Variants in KLHL41 observed in about 807,000 individuals in gnomAD.
KLHL41 encodes kelch like family member 41.
In KLHL41, 31 loss-of-function variants were observed where a neutral mutation model predicts 49.2. The observed-to-expected ratio is 0.63, with a 90% CI of 0.47 to 0.85. KLHL41 has a LOEUF of 0.85. KLHL41 is among the 40% of genes least tolerant of loss of function. The pLI is 0.00. For synonymous variants in KLHL41, 218 were observed against 258.5 expected, an observed-to-expected ratio of 0.84 and a Z score of 1.50; for missense variants, 663 against 726.7, an observed-to-expected ratio of 0.91 and a Z score of 1.01.
In KLHL41 at chr2:169,518,236, T is replaced by C; in HGVS notation, c.1423T>C (p.Trp475Arg). The change falls in exon 4 of 6, where the codon TGG (tryptophan) becomes CGG (arginine). Residue 475 changes from tryptophan (W) to arginine (R), a missense_variant. Trp to Arg is a moderately radical substitution (Grantham distance 101, BLOSUM62 -3). Transcript: ENST00000284669. ...TATCTTCAACCCCAAAAAAGGAGAT[T>C]GGAAAGATCTGGCTCCAATGAAAAT... Reference protein sequence around the residue: ...VFIFNPKKGDWKDLAPMKIPR... With the variant: ...VFIFNPKKGDRKDLAPMKIPR... The C allele has an allele frequency of 1.2e-6, 2 of 1,613,846 alleles. No homozygotes were observed. The highest frequency in any genetic ancestry group is 2.2e-5 in the South Asian group (2 of 91,016).
Position 169,518,212 on chromosome 2 carries a change from A to C in KLHL41, c.1399A>C (p.Ile467Leu). ...DDKKCTNRVF[I>L]FNPKKGDWKD... is the part of the protein sequence containing the mutation. The stretch of plus-strand genomic sequence containing the variant: ...CAGAAAATGTACAAACAGGGTGTTT[A>C]TCTTCAACCCCAAAAAAGGAGATTG... The change falls in exon 4 of 6, where the codon ATC (isoleucine) becomes CTC (leucine). Residue 467 changes from isoleucine to leucine, a missense_variant. Transcript: ENST00000284669. 6.2e-7 allele frequency: 1 copy of C among 1,613,454 alleles called. No individual in the cohort carries two copies. Among genetic ancestry groups the C allele is most frequent in the Non-Finnish European group, 8.5e-7 (1 of 1,179,674 alleles).
chr2:169,515,032 TTTC>T (rs1289596290), intron 3 of KLHL41, 71 bp downstream of exon 3: 8 of 943,678 alleles, frequency 8.5e-6, no homozygotes, highest in South Asian at 1.8e-5. Flanking sequence ...CCTCTTTTCT[TTTC>T]TTTTTTTTTT....
chr2:169,525,437 T>G, intron 5 of KLHL41, 148 bp from the exon 6 acceptor site: 1 of 585,730 alleles, frequency 1.7e-6, no homozygotes, highest in Non-Finnish European at 3.0e-6. Flanking sequence ...ATTTGGGAGA[T>G]ATTTAAGTTC....
In KLHL41 at chr2:169,510,630, T is replaced by A; in HGVS notation, c.852T>A (p.Asp284Glu). 8 of 1,614,176 alleles carry A rather than the reference T, an allele frequency of 5.0e-6. No individual in the cohort carries two copies. Among genetic ancestry groups the A allele is most frequent in the Non-Finnish European group, 6.8e-6 (8 of 1,180,028 alleles). ...GAGEVNGDVG[D>E]EDLLPGYLND... is the part of the protein sequence containing the mutation. Reference sequence around the variant, plus strand: ...GTGAGGTGAATGGTGATGTTGGTGATGAAGATTTACTTCCTGGTTACCTGA... The same window carrying A: ...GTGAGGTGAATGGTGATGTTGGTGAAGAAGATTTACTTCCTGGTTACCTGA... The change falls in exon 1 of 6, where the codon GAT becomes GAA. Residue 284 changes from aspartate (D) to glutamate (E), a missense_variant. Around this residue, in one of 3 missense-constraint regions of KLHL41, gnomAD observed 528 missense variants for 581.0 expected, o/e 0.91. Coordinates refer to ENST00000284669, the MANE Select transcript of KLHL41 (RefSeq NM_006063.3). This position sits in a 1 kb window ranked among gnomAD's most constrained non-coding sequence, Gnocchi z 4.2.
At chr2:169,512,586 T>A (rs946270765) in intron 1 of KLHL41, among the ~76,000 whole-genome samples, 1 of 152,184 alleles carries the variant, frequency 6.6e-6, no homozygotes, top group African/African-American at 2.4e-5. Context: ...AGCTTCTCAT[T>A]TTTGGTTCAA....
intron 5 of KLHL41, among the ~76,000 whole-genome samples, chr2:169,522,045 G>GA (rs1684210885): frequency 6.6e-6 from 1 of 151,396 alleles, no homozygotes; most frequent in Non-Finnish European, 1.5e-5. Context: ...AGACCCTACT[G>GA]AATGAGAATC....
In KLHL41 at chr2:169,510,838, T is replaced by C; in HGVS notation, c.1060T>C (p.Tyr354His). The C allele has an allele frequency of 1.2e-6, 2 of 1,613,916 alleles. No homozygotes were observed. Among genetic ancestry groups the C allele is most frequent in the Non-Finnish European group, 1.7e-6 (2 of 1,179,880 alleles). ...QNQIYVVGGL[Y>H]VDEENKDQPL... ...TCAGATATATGTGGTAGGAGGACTA[T>C]ATGTGGATGAAGAAAATAAGGATCA... Residue 354 changes from tyrosine (Y) to histidine (H), a missense_variant, in exon 1 of 6, where the codon TAT becomes CAT. Tyr to His is a moderately conservative substitution (Grantham distance 83, BLOSUM62 2). Transcript: ENST00000284669. This position sits in a 1 kb window ranked among gnomAD's most constrained non-coding sequence, Gnocchi z 4.2.
chr2:169,514,437 G>T, intron 1 of KLHL41, 137 bp from the exon 2 acceptor site: 3 of 598,810 alleles, frequency 5.0e-6, no homozygotes, highest in Admixed American at 3.3e-5. Flanking sequence ...GATACTTTGG[G>T]GTTGTAGTTT....
In KLHL41 at chr2:169,510,229, G is replaced by A. The variant is rs1490292826; in HGVS notation, c.451G>A (p.Ala151Thr). The A allele has an allele frequency of 3.1e-6, 5 of 1,613,778 alleles. No individual in the cohort carries two copies. The highest frequency in any genetic ancestry group is 2.2e-5 in the East Asian group (1 of 44,886). ...LGLLLDCPRL[A>T]ISAREFVSDR... ...ACTTCTTCTTGACTGCCCGAGACTC[G>A]CCATTTCTGCCCGTGAATTTGTGTC... The change falls in exon 1 of 6, where the codon GCC becomes ACC. Residue 151 changes from alanine (A) to threonine (T), a missense_variant. Ala to Thr is a moderately conservative substitution (Grantham distance 58, BLOSUM62 0). This residue lies in a region of KLHL41 where 528 missense variants were observed against 581.0 expected (regional missense o/e 0.91). Transcript: ENST00000284669. This position sits in a 1 kb window ranked among gnomAD's most constrained non-coding sequence, Gnocchi z 4.2.
chr2:169,515,259 C>A (rs981086065), intron 3 of KLHL41, among the ~76,000 whole-genome samples: 2 of 152,018 alleles, frequency 1.3e-5, no homozygotes, highest in African/African-American at 2.4e-5. Context: ...TCTTGAACTC[C>A]CGACCTCAGG....
intron 4 of KLHL41, among the ~76,000 whole-genome samples, chr2:169,518,976 G>T (rs1684159088): frequency 7.4e-6 from 1 of 135,022 alleles, no homozygotes; most frequent in Admixed American, 8.1e-5. Flanking sequence ...CAGCACACCT[G>T]GCCCTGAATA....
chr2:169,518,462 G>C, intron 4 of KLHL41, 87 bp downstream of exon 4: 1 of 1,039,680 alleles, frequency 9.6e-7, no homozygotes, highest in Non-Finnish European at 1.4e-6. Flanking sequence ...TTTCTAATTA[G>C]GATGTGGGGA....
chr2:169,511,159 G>T (rs1684024645), intron 1 of KLHL41, among the ~76,000 whole-genome samples: 1 of 152,134 alleles, frequency 6.6e-6, no homozygotes, highest in South Asian at 2.1e-4. Flanking sequence ...AAAATGCCTT[G>T]TTTATAGATG....
At chr2:169,524,794 A>T (rs1396368329) in intron 5 of KLHL41, among the ~76,000 whole-genome samples, 1 of 151,568 alleles carries the variant, frequency 6.6e-6, no homozygotes, top group Non-Finnish European at 1.5e-5. Context: ...GGACATTGAT[A>T]TGGGGGGGGG....
At chr2:169,513,418 C>T (rs1221802040) in intron 1 of KLHL41, among the ~76,000 whole-genome samples, 4 of 152,220 alleles carry the variant, frequency 2.6e-5, no homozygotes, top group Non-Finnish European at 5.9e-5. Flanking sequence ...TACTATATTA[C>T]ATACCACCTT....
intron 1 of KLHL41, among the ~76,000 whole-genome samples, chr2:169,512,310 A>T (rs1040928972): frequency 6.6e-6 from 1 of 152,178 alleles, no homozygotes; most frequent in Non-Finnish European, 1.5e-5. Flanking sequence ...AAAGTCAATG[A>T]AAAAGGCTAT....
Position 169,509,985 on chromosome 2 carries a change from GAAA to G in KLHL41, c.213_215del (p.Lys72del). The G allele has an allele frequency of 1.2e-6, 2 of 1,610,248 alleles. No homozygotes were observed. The highest frequency in any genetic ancestry group is 2.7e-5 in the African/African-American group (2 of 74,502). On this transcript the variant is annotated inframe_deletion, in exon 1 of 6. Transcript: ENST00000284669. ...ACTTTTTATCTGAAATTGATGAGGCGAAAAAAAAGGAGGTAGTGCTAGACAATG... is the reference window on the plus strand; with the variant it reads ...ACTTTTTATCTGAAATTGATGAGGCGAAAAAGGAGGTAGTGCTAGACAATG...
chr2:169,525,489 C>G, intron 5 of KLHL41, 96 bp from the exon 6 acceptor site: 1 of 737,254 alleles, frequency 1.4e-6, no homozygotes, highest in Non-Finnish European at 2.4e-6. Flanking sequence ...GTAAGAGCCA[C>G]TAGGGTTTTT....
rs535105922 is a variant in KLHL41 at position 169,510,864 on chromosome 2, A to G, written c.1086A>G (p.Gln362=). The G allele has an allele frequency of 2.5e-6, 4 of 1,613,682 alleles. No individual in the cohort carries two copies. Among genetic ancestry groups the G allele is most frequent in the Admixed American group, 1.7e-5 (1 of 60,002 alleles). The change falls in exon 1 of 6, where the codon CAA becomes CAG. Residue 362 remains glutamine (Q), a synonymous_variant. Transcript: ENST00000284669. The surrounding 1 kb of genome is among the most constrained non-coding windows in gnomAD (Gnocchi z 4.2). ...GLYVDEENKD[Q]PLQSYFFQLD... ...ATGTGGATGAAGAAAATAAGGATCA[A>G]CCTCTACAGTCATACTTCTTCCAGG... is the stretch of plus-strand genomic sequence containing the variant.
Sources: allele counts gnomAD v4.1 joint callset (sites outside exome capture counted in the v4.1 genomes callset), GRCh38; gene constraint gnomAD v4.1.1; regional missense constraint gnomAD v4.1.1; non-coding constraint Gnocchi (gnomAD v3.1); transcripts MANE v1.5; gene names NCBI Gene and HGNC (gene_info 2026-07-23, HGNC 2026-07-21).